The following SATB1 variants were observed in gnomAD, a reference collection of about 807,000 sequenced individuals.
SATB1 encodes DNA-binding protein SATB1.
In SATB1, 11 loss-of-function variants were observed where a neutral mutation model predicts 86.9. The ratio of observed to expected loss-of-function variants is 0.13; its 90% CI spans 0.08 to 0.21. The LOEUF is 0.21. Among genes scored for constraint, SATB1 ranks in the 10% least tolerant of loss-of-function variants. The pLI is 1.00. For synonymous variants in SATB1, 357 were observed against 357.2 expected (o/e 1.00, Z 0.01); for missense variants, 551 against 937.6 (o/e 0.59, Z 5.39).
intron 6 of SATB1, among the ~76,000 whole-genome samples, chr3:18,396,026 C>T (rs928633342): frequency 1.1e-4 from 16 of 152,300 alleles, no homozygotes; most frequent in African/African-American, 3.8e-4. Context: ...GGAACTTTAT[C>T]ATAGCGCTAT....
upstream of SATB1, among the ~76,000 whole-genome samples, chr3:18,443,437 G>GTGGCA (rs1699292671): frequency 6.6e-6 from 1 of 152,236 alleles, no homozygotes; most frequent in Non-Finnish European, 1.5e-5. The surrounding 1 kb of genome is among the most constrained non-coding windows in gnomAD (Gnocchi z 4.4). Context: ...CACTGAGAAA[G>GTGGCA]TTCGCCAAGG....
chr3:18,381,508 G>A (rs145561016), intron 8 of SATB1, among the ~76,000 whole-genome samples: 5 of 152,220 alleles, frequency 3.3e-5, no homozygotes, highest in Admixed American at 6.5e-5. Flanking sequence ...AGAAAACTCC[G>A]TTAAAACAAA....
intron 5 of SATB1, among the ~76,000 whole-genome samples, chr3:18,410,221 G>T (rs1697762169): frequency 6.6e-6 from 1 of 152,038 alleles, no homozygotes; most frequent in South Asian, 2.1e-4. Context: ...TTTCAGCAAT[G>T]AGAATAAATA....
intron 3 of SATB1, 89 bp from the exon 4 acceptor site, chr3:18,416,222 C>G (rs1008820050): frequency 2.0e-6 from 2 of 993,542 alleles, no homozygotes; most frequent in African/African-American, 1.6e-5. Flanking sequence ...TTCTACTACC[C>G]CTACCACAAG....
intron 9 of SATB1, among the ~76,000 whole-genome samples, chr3:18,358,900 A>C (rs1320778239): frequency 6.6e-6 from 1 of 152,018 alleles, no homozygotes; most frequent in Non-Finnish European, 1.5e-5. Flanking sequence ...ATAATAGGAC[A>C]TAAAATGGCT....
At chr3:18,411,438 A>G (rs1024416570) in intron 5 of SATB1, among the ~76,000 whole-genome samples, 1 of 152,146 alleles carries the variant, frequency 6.6e-6, no homozygotes, top group Non-Finnish European at 1.5e-5. Flanking sequence ...AACAAAATGA[A>G]TCTACCCTGT....
chr3:18,382,738 A>G (rs1283356390), intron 8 of SATB1, among the ~76,000 whole-genome samples: 4 of 152,248 alleles, frequency 2.6e-5, no homozygotes, highest in Non-Finnish European at 4.4e-5. Context: ...TTTCATTAGG[A>G]CAATGCTTTA....
At chr3:18,403,777 C>T (rs1697385667) in intron 5 of SATB1, among the ~76,000 whole-genome samples, 1 of 152,054 alleles carries the variant, frequency 6.6e-6, no homozygotes, top group Non-Finnish European at 1.5e-5. Flanking sequence ...GGCGCAAAGG[C>T]ATTAAGCACC....
Position 18,349,584 on chromosome 3 carries a change from T to C in SATB1, c.1878A>G (p.Pro626=). 1 of 1,613,468 alleles carries C rather than the reference T, an allele frequency of 6.2e-7. No homozygotes were observed. ...QQPQTGPRLP[P]RQPTVASPAE... ...CTGGAGAGGCCACCGTGGGTTGCCGTGGGGGGAGCCGAGGGCCTGTCTGTG... is the reference window on the plus strand; with the variant it reads ...CTGGAGAGGCCACCGTGGGTTGCCGCGGGGGGAGCCGAGGGCCTGTCTGTG... The change falls in exon 11 of 11, where the codon CCA becomes CCG. Residue 626 remains proline (P), a synonymous_variant. Transcript: ENST00000338745. The surrounding 1 kb of genome is among the most constrained non-coding windows in gnomAD (Gnocchi z 5.5).
chr3:18,391,890 TG>T (rs1039437731), intron 7 of SATB1, among the ~76,000 whole-genome samples: 1 of 152,172 alleles, frequency 6.6e-6, no homozygotes, highest in Non-Finnish European at 1.5e-5. Flanking sequence ...TATGTATGTG[TG>T]TGTGGTTTTT....
chr3:18,422,587 T>C (rs963998480), intron 1 of SATB1, among the ~76,000 whole-genome samples: 13 of 152,230 alleles, frequency 8.5e-5, no homozygotes, highest in African/African-American at 2.7e-4. Flanking sequence ...TTTTCCATTA[T>C]ATTAAACTGC....
rs1694267981 is a variant in SATB1, at chr3:18,349,903, GC to G, written c.1780-222del. The G allele has an allele frequency of 1.4e-6, 1 of 703,996 alleles. No individual in the cohort carries two copies. The highest frequency in any genetic ancestry group is 2.5e-5 in the South Asian group (1 of 39,246). The allele number at this position is 703,996 out of a possible 1,614,324, so 43.6% of individuals were successfully genotyped here. A position where few individuals can be genotyped will look rare whatever the true frequency, so the allele number is the denominator to read the frequency against. The stretch of plus-strand genomic sequence containing the variant: ...GGATGAATTAAGACAGCTTTGGGGG[GC>G]TACTGCACTTACTTATCAGAGATCA... On this transcript the variant is annotated intron_variant, in intron 10 of 10. Transcript: ENST00000338745. This position sits in a 1 kb window ranked among gnomAD's most constrained non-coding sequence, Gnocchi z 5.5.
At chr3:18,357,541 A>T (rs964075574) in intron 9 of SATB1, among the ~76,000 whole-genome samples, 15 of 135,562 alleles carry the variant, frequency 1.1e-4, no homozygotes, top group Non-Finnish European at 2.2e-4. Context: ...ATAGAGGGCA[A>T]TTTTTTTTTT....
rs1394294045 is a variant in SATB1, at chr3:18,420,940, CCT to C, written c.26_27del (p.Gln9ArgfsTer9). MDHLNEAT[Q>X]GKEHSEMSNN... ...TTAGACATTTCTGAATGTTCTTTCC[CCT>C]GAGTTGCCTCGTTCAAATGATCCAT... On this transcript the variant is annotated frameshift_variant, in exon 2 of 11. Coordinates refer to ENST00000338745, the MANE Select transcript of SATB1 (RefSeq NM_002971.6). LOFTEE classifies it high-confidence loss of function. The C allele has an allele frequency of 2.5e-6, 4 of 1,614,030 alleles. No individual in the cohort carries two copies. Among genetic ancestry groups the C allele is most frequent in the African/African-American group, 1.3e-5 (1 of 74,910 alleles).
chr3:18,359,011 T>C (rs1694784759), intron 9 of SATB1, among the ~76,000 whole-genome samples: 1 of 152,044 alleles, frequency 6.6e-6, no homozygotes, highest in Non-Finnish European at 1.5e-5. Flanking sequence ...AGAAAATTAT[T>C]AGCATAAACC....
intron 9 of SATB1, among the ~76,000 whole-genome samples, chr3:18,355,166 G>A (rs1286042050): frequency 6.6e-6 from 1 of 151,938 alleles, no homozygotes; most frequent in African/African-American, 2.4e-5. Flanking sequence ...AATTTAAAAG[G>A]GGGAGGGGAT....
intron 5 of SATB1, among the ~76,000 whole-genome samples, chr3:18,402,948 TTAATG>T (rs1342388672): frequency 6.6e-6 from 1 of 152,124 alleles, no homozygotes; most frequent in Non-Finnish European, 1.5e-5. Flanking sequence ...TCATTTCAGC[TTAATG>T]TAATCCTCTT....
At chr3:18,392,760 C>A (rs899712511) in intron 7 of SATB1, among the ~76,000 whole-genome samples, 1 of 151,810 alleles carries the variant, frequency 6.6e-6, no homozygotes, top group Admixed American at 6.6e-5. Flanking sequence ...ATAAAGAATG[C>A]TACCAGAAAC....
In SATB1 at chr3:18,394,374, A is replaced by T; in HGVS notation, c.1206+88T>A. On this transcript the variant is annotated intron_variant, in intron 7 of 10. Coordinates refer to ENST00000338745, the MANE Select transcript of SATB1 (RefSeq NM_002971.6). The surrounding 1 kb of genome is among the most constrained non-coding windows in gnomAD (Gnocchi z 5.9). ...AGAGAGAGAGAAAATGTTAGTACAGAAGTAAAAGAATAAACTTTAGTTATA... is the reference window on the plus strand; with the variant it reads ...AGAGAGAGAGAAAATGTTAGTACAGTAGTAAAAGAATAAACTTTAGTTATA... The T allele has an allele frequency of 9.2e-7, 1 of 1,083,754 alleles. No individual in the cohort carries two copies. The highest frequency in any genetic ancestry group is 1.4e-6 in the Non-Finnish European group (1 of 721,628). 67.1% of individuals were successfully genotyped at this position (1,083,754 alleles called of 1,614,324 possible). A position where few individuals can be genotyped will look rare whatever the true frequency, so the allele number is the denominator to read the frequency against.
Sources: allele counts gnomAD v4.1 joint callset (sites outside exome capture counted in the v4.1 genomes callset), GRCh38; gene constraint gnomAD v4.1.1; non-coding constraint Gnocchi (gnomAD v3.1); transcripts MANE v1.5; gene names NCBI Gene and HGNC (gene_info 2026-07-23, HGNC 2026-07-21).